FA2H: variants seen among roughly 807,000 people sequenced by gnomAD.
FA2H encodes the protein fatty acid 2-hydroxylase, also known as fatty acid alpha-hydroxylase.
FA2H carries 22 observed loss-of-function variants against 44.9 expected under a neutral mutation model. The ratio of observed to expected loss-of-function variants is 0.49; its 90% confidence interval spans 0.35 to 0.70. FA2H has a LOEUF of 0.70. Among genes scored for constraint, FA2H ranks in the 30% least tolerant of loss-of-function variants. FA2H has a pLI of 0.01. For missense variants in FA2H, 501 were observed against 504.9 expected (o/e 0.99, Z 0.07); for synonymous variants, 243 against 213.2 (o/e 1.14, Z -1.22).
At position 74,774,662 on chromosome 16, in the gene FA2H, G is replaced by A. The variant is rs978032580; in HGVS notation, c.94C>T (p.Arg32Cys). 1 of 1,438,040 alleles carries A rather than the reference G, an allele frequency of 7.0e-7. No individual in the cohort carries two copies. The allele number at this position is 1,438,040 out of a possible 1,614,324, so 89.1% of individuals were successfully genotyped here. The change falls in exon 1 of 7, where the codon CGC becomes TGC. Residue 32 changes from arginine (R) to cysteine (C), a missense_variant. Physicochemically the swap from Arg to Cys is radical, Grantham distance 180 (BLOSUM62 -3). Coordinates refer to ENST00000219368, the MANE Select transcript of FA2H (RefSeq NM_024306.5). ...ACGAAGCTGGAGAGGTCGTAGAGGC[G>A]GGCCCCGCGGCGGACCCAGCACGCG... ...AGACWVRRGA[R>C]LYDLSSFVRH...
chr16:74,746,888 A>G (rs529371185), intron 1 of FA2H, among the ~76,000 whole-genome samples: 28 of 152,344 alleles, frequency 1.8e-4, no homozygotes, highest in Middle Eastern at 3.4e-3. Context: ...GAGGGACCAG[A>G]GTCCCAGCAA....
At chr16:74,724,985 T>C (rs1037841739) in intron 4 of FA2H, among the ~76,000 whole-genome samples, 3 of 152,170 alleles carry the variant, frequency 2.0e-5, no homozygotes, top group Non-Finnish European at 4.4e-5. Context: ...GCCCTGCCAC[T>C]GTTTGTGATT....
At chr16:74,748,110 G>C (rs1567645431) in intron 1 of FA2H, among the ~76,000 whole-genome samples, 1 of 152,220 alleles carries the variant, frequency 6.6e-6, no homozygotes, top group South Asian at 2.1e-4. Context: ...ATTCAAATAG[G>C]ACAGGCATTC....
At chr16:74,747,302 C>T (rs972586638) in intron 1 of FA2H, among the ~76,000 whole-genome samples, 1 of 144,820 alleles carries the variant, frequency 6.9e-6, no homozygotes, top group South Asian at 2.3e-4. Context: ...CAGAGCAAGA[C>T]TCCACCTCAA....
intron 1 of FA2H, among the ~76,000 whole-genome samples, chr16:74,773,370 A>G (rs568092873): frequency 2.0e-5 from 3 of 152,324 alleles, no homozygotes; most frequent in African/African-American, 7.2e-5. Flanking sequence ...TATATGGGAA[A>G]AAACATAGCA....
At chr16:74,746,492 A>T (rs904287176) in intron 1 of FA2H, among the ~76,000 whole-genome samples, 1 of 151,602 alleles carries the variant, frequency 6.6e-6, no homozygotes, top group Non-Finnish European at 1.5e-5. Flanking sequence ...CTAAGGTGCT[A>T]GGATTACAGG....
chr16:74,716,558 T>A lies in FA2H; in HGVS notation c.828A>T (p.Pro276=). Residue 276 remains proline (P), a synonymous_variant, in exon 6 of 7, where the codon CCA becomes CCT. Coordinates refer to ENST00000219368, the MANE Select transcript of FA2H (RefSeq NM_024306.5). The part of the protein sequence containing the change: ...DGSRLVFPPV[P]ASLVIGVFYL... The stretch of plus-strand genomic sequence containing the variant: ...AGAAGACGCCGATCACCAGGGAGGC[T>A]GGCACAGGGGGGAAGACCAGGCGGG... 1.9e-6 allele frequency: 3 copies of A among 1,601,090 alleles called. No individual in the cohort carries two copies. The highest frequency in any genetic ancestry group is 2.6e-6 in the Non-Finnish European group (3 of 1,174,126).
At chr16:74,751,246 C>T (rs980939373) in intron 1 of FA2H, among the ~76,000 whole-genome samples, 2 of 152,060 alleles carry the variant, frequency 1.3e-5, no homozygotes, top group African/African-American at 2.4e-5. Flanking sequence ...AGGCATGCAC[C>T]ACCATGCCTG....
chr16:74,741,826 GTGTGTGTGTGTA>G (rs1197323704), intron 1 of FA2H, among the ~76,000 whole-genome samples: 1 of 105,144 alleles, frequency 9.5e-6, no homozygotes, highest in Non-Finnish European at 2.0e-5. Flanking sequence ...GTGTGTGTGT[GTGTGTGTGTGTA>G]TGTGTGTGTA....
intron 6 of FA2H, among the ~76,000 whole-genome samples, chr16:74,716,073 C>A (rs1961688414): frequency 2.0e-5 from 3 of 152,134 alleles, no homozygotes; most frequent in Admixed American, 2.0e-4. Context: ...CCTCGGCTTC[C>A]CAATCCCCTC....
In FA2H at chr16:74,714,190, T is replaced by C. The variant is rs758814013; in HGVS notation, c.1119A>G (p.Ter373TrpextTer48). 1 of 1,556,574 alleles carries C rather than the reference T, an allele frequency of 6.4e-7. No individual in the cohort carries two copies. The highest frequency in any genetic ancestry group is 8.7e-7 in the Non-Finnish European group (1 of 1,148,732). The change falls in exon 7 of 7, where the codon TGA (stop) becomes TGG (tryptophan). Residue 373 changes from the stop codon to tryptophan, a stop_lost. Transcript: ENST00000219368. The stretch of plus-strand genomic sequence containing the variant: ...GGCAGGACGGAGGGGGTGGGAGTTG[T>C]CACTGCGTCTTCAGGTGGGGTTTCT... ...TPEKPHLKTQ[*>W] is the part of the protein sequence containing the mutation.
At chr16:74,766,303 C>T (rs916085450) in intron 1 of FA2H, among the ~76,000 whole-genome samples, 13 of 148,646 alleles carry the variant, frequency 8.7e-5, no homozygotes, top group African/African-American at 3.2e-4. Flanking sequence ...AAGACTCTGT[C>T]TCAATAAAAA....
intron 2 of FA2H, among the ~76,000 whole-genome samples, chr16:74,732,130 C>A (rs539674247): frequency 2.0e-5 from 3 of 152,176 alleles, no homozygotes; most frequent in Admixed American, 6.5e-5. Context: ...GTGATCCTCC[C>A]GCCTCAGCCT....
chr16:74,726,576 T>TG (rs781571876), intron 3 of FA2H, among the ~76,000 whole-genome samples: 9 of 152,126 alleles, frequency 5.9e-5, no homozygotes, highest in Non-Finnish European at 1.2e-4. Context: ...TTAGTAGAGA[T>TG]GGGGTTTCAC....
intron 1 of FA2H, among the ~76,000 whole-genome samples, chr16:74,747,581 T>C (rs749666324): frequency 6.6e-6 from 1 of 151,950 alleles, no homozygotes; most frequent in Non-Finnish European, 1.5e-5. Context: ...ATCATTACGG[T>C]GGGCCTTATA....
chr16:74,743,847 C>T lies in FA2H; in HGVS notation c.271-3732G>A, dbSNP rs552954470. ...GTTCTTATCACAAGATGGGACACAC[C>T]TCCAACATGGGAGGAGACTCCAAGG... On this transcript the variant is annotated intron_variant, in intron 1 of 6. Transcript: ENST00000219368. 3.3e-5 allele frequency among the ~76,000 whole-genome samples: 5 copies of T among 152,306 alleles called. No homozygotes were observed. In the South Asian group the frequency reaches 1.0e-3, roughly 32 times the overall value.
At chr16:74,763,460 G>T (rs1163745992) in intron 1 of FA2H, among the ~76,000 whole-genome samples, 1 of 152,114 alleles carries the variant, frequency 6.6e-6, no homozygotes, top group East Asian at 1.9e-4. Flanking sequence ...GTCTCACCAT[G>T]TTGGCCAGGC....
At chr16:74,715,468 T>G (rs1242422638) in intron 6 of FA2H, among the ~76,000 whole-genome samples, 2 of 152,076 alleles carry the variant, frequency 1.3e-5, no homozygotes, top group Non-Finnish European at 2.9e-5. Flanking sequence ...ATTAAAACTT[T>G]TTTATGTAGA....
At chr16:74,742,830 C>A (rs897545224) in intron 1 of FA2H, among the ~76,000 whole-genome samples, 51 of 152,140 alleles carry the variant, frequency 3.4e-4, no homozygotes, top group Middle Eastern at 3.4e-3. Context: ...CAGAGTAAGA[C>A]CTTGTCTCAA....
Sources: allele counts gnomAD v4.1 joint callset (sites outside exome capture counted in the v4.1 genomes callset), GRCh38; gene constraint gnomAD v4.1.1; transcripts MANE v1.5; gene names NCBI Gene and HGNC (gene_info 2026-07-23, HGNC 2026-07-21).